NAGLU: variants seen among roughly 807,000 people sequenced by gnomAD.
The protein encoded by NAGLU is N-acetyl-alpha-glucosaminidase, also known as alpha-N-acetylglucosaminidase.
In NAGLU, 34 loss-of-function variants were observed where a neutral mutation model predicts 43.4. The observed-to-expected ratio is 0.78, with a 90% CI of 0.60 to 1.04. The LOEUF (loss-of-function observed/expected upper bound fraction) is 1.04, where lower values mean the gene tolerates loss of function less well. Ranked by LOEUF, NAGLU falls within the 50% of genes least tolerant of loss-of-function variation. NAGLU has a pLI of 0.00. For missense variants in NAGLU, 910 were observed against 993.7 expected (o/e 0.92, Z 1.13); for synonymous variants, 425 against 437.6 (o/e 0.97, Z 0.36).
intron 4 of NAGLU, among the ~76,000 whole-genome samples, chr17:42,539,465 G>T (rs1306059469): frequency 6.6e-6 from 1 of 152,240 alleles, no homozygotes; most frequent in Non-Finnish European, 1.5e-5. Context: ...AGGAAGCCTT[G>T]CTAGTGCCCC....
At position 42,536,484 on chromosome 17, in the gene NAGLU, G is replaced by C. The variant is rs1329966515; in HGVS notation, c.212G>C (p.Gly71Ala). Residue 71 changes from glycine to alanine, a missense_variant, in exon 1 of 6, where the codon GGC becomes GCC. Gly to Ala is a moderately conservative substitution (Grantham distance 60, BLOSUM62 0). Coordinates refer to ENST00000225927, the MANE Select transcript of NAGLU (RefSeq NM_000263.4). ...GACACCTACAGCCTGGGCGGCGGCG[G>C]CGCGGCGCGCGTGCGGGTGCGCGGC... is the stretch of plus-strand genomic sequence containing the variant. ...GLDTYSLGGG[G>A]AARVRVRGST... 2 of 1,216,380 alleles carry C rather than the reference G, an allele frequency of 1.6e-6. No individual in the cohort carries two copies. The highest frequency in any genetic ancestry group is 3.2e-5 in the African/African-American group (2 of 62,616). The allele number at this position is 1,216,380 out of a possible 1,614,324, so 75.3% of individuals were successfully genotyped here. A position where few individuals can be genotyped will look rare whatever the true frequency, so the allele number is the denominator to read the frequency against.
Position 42,537,506 on chromosome 17 carries a change from G to A in NAGLU, c.492G>A (p.Leu164=). The A allele has an allele frequency of 6.2e-7, 1 of 1,614,198 alleles. No individual in the cohort carries two copies. Among genetic ancestry groups the A allele is most frequent in the East Asian group, 2.2e-5 (1 of 44,888 alleles). The stretch of plus-strand genomic sequence containing the variant: ...GGATGGCGCTGAATGGCATCAACCT[G>A]GCACTGGCCTGGAGCGGCCAGGAGG... The part of the protein sequence containing the change: ...IDWMALNGIN[L]ALAWSGQEAI... The change falls in exon 2 of 6, where the codon CTG becomes CTA. Residue 164 remains leucine, a synonymous_variant. Coordinates refer to ENST00000225927, the MANE Select transcript of NAGLU (RefSeq NM_000263.4).
Position 42,536,494 on chromosome 17 carries a change from C to T in NAGLU, c.222C>T (p.Arg74=). 1 of 1,227,504 alleles carries T rather than the reference C, an allele frequency of 8.1e-7. No homozygotes were observed. The highest frequency in any genetic ancestry group is 1.0e-6 in the Non-Finnish European group (1 of 988,042). 76.0% of individuals were successfully genotyped at this position (1,227,504 alleles called of 1,614,324 possible). Reference sequence around the variant, plus strand: ...GCCTGGGCGGCGGCGGCGCGGCGCGCGTGCGGGTGCGCGGCTCCACGGGCG... The same window carrying T: ...GCCTGGGCGGCGGCGGCGCGGCGCGTGTGCGGGTGCGCGGCTCCACGGGCG... The part of the protein sequence containing the change: ...TYSLGGGGAA[R]VRVRGSTGVA... Residue 74 remains arginine (R), a synonymous_variant, in exon 1 of 6, where the codon CGC becomes CGT. Transcript: ENST00000225927.
At chr17:42,541,271 CAGT>C (rs1190246605) in intron 5 of NAGLU, 65 bp downstream of exon 5, 12 of 1,597,360 alleles carry the variant, frequency 7.5e-6, no homozygotes, top group African/African-American at 1.3e-5. Context: ...TAGCAGATGT[CAGT>C]AGGGGTAGGC....
rs570464874 is a variant in NAGLU at position 42,544,269 on chromosome 17, G to A, written c.*31G>A. Reference sequence around the variant, plus strand: ...TCGCCACCACTGGGCCTTGTTTTCCGCTAATTCCAGGGCAGATTCCAGGGC... The same window carrying A: ...TCGCCACCACTGGGCCTTGTTTTCCACTAATTCCAGGGCAGATTCCAGGGC... On this transcript the variant is annotated 3_prime_UTR_variant, in exon 6 of 6. Transcript: ENST00000225927. 1.0e-5 allele frequency: 16 copies of A among 1,603,076 alleles called. No individual in the cohort carries two copies. The highest frequency in any genetic ancestry group is 2.2e-5 in the East Asian group (1 of 44,886).
At position 42,536,623 on chromosome 17, in the gene NAGLU, G is replaced by T. The variant is rs1436378685; in HGVS notation, c.351G>T (p.Val117=). Residue 117 remains valine (V), a synonymous_variant, in exon 1 of 6, where the codon GTG becomes GTT. Transcript: ENST00000225927. ...QLRLPRPLPA[V]PGELTEATPN... ...GCCTGCCGCGGCCACTGCCAGCCGT[G>T]CCGGGGGAGCTGACCGAGGCCACGC... 15 of 1,498,220 alleles carry T rather than the reference G, an allele frequency of 1.0e-5. No individual in the cohort carries two copies. The highest frequency in any genetic ancestry group is 1.3e-5 in the Non-Finnish European group (15 of 1,131,872). The allele number at this position is 1,498,220 out of a possible 1,614,324, so 92.8% of individuals were successfully genotyped here. A position where few individuals can be genotyped will look rare whatever the true frequency, so the allele number is the denominator to read the frequency against.
Position 42,544,015 on chromosome 17 carries a change from A to G in NAGLU, c.2009A>G (p.Tyr670Cys). The change falls in exon 6 of 6, where the codon TAC (tyrosine) becomes TGC (cysteine). Residue 670 changes from tyrosine to cysteine, a missense_variant. By Grantham distance (194) the Tyr-to-Cys change is radical. Coordinates refer to ENST00000225927, the MANE Select transcript of NAGLU (RefSeq NM_000263.4). ...NKQLAGLVANYYTPRWRLFLE... is the reference protein window; with the variant it reads ...NKQLAGLVANCYTPRWRLFLE... Reference sequence around the variant, plus strand: ...CAGCTGGCGGGGTTGGTGGCCAACTACTACACCCCTCGCTGGCGGCTTTTC... The same window carrying G: ...CAGCTGGCGGGGTTGGTGGCCAACTGCTACACCCCTCGCTGGCGGCTTTTC... 1 of 1,611,046 alleles carries G rather than the reference A, an allele frequency of 6.2e-7. No homozygotes were observed. Among genetic ancestry groups the G allele is most frequent in the Non-Finnish European group, 8.5e-7 (1 of 1,178,710 alleles).
chr17:42,539,663 C>T (rs915751532), intron 4 of NAGLU, among the ~76,000 whole-genome samples: 4 of 152,168 alleles, frequency 2.6e-5, no homozygotes, highest in African/African-American at 7.2e-5. Flanking sequence ...TCCTGGGAGG[C>T]GGCAAGAAAG....
chr17:42,536,842 C>T, intron 1 of NAGLU, 187 bp downstream of exon 1: 2 of 1,183,216 alleles, frequency 1.7e-6, no homozygotes, highest in Non-Finnish European at 2.2e-6. Flanking sequence ...ACCTGAAAAA[C>T]GGAAAGAAGA....
Position 42,543,720 on chromosome 17 carries a change from G to T in NAGLU, c.1714G>T (p.Val572Phe). ...CACTCGGCAGGCAGTGCAGGAGCTG[G>T]TCAGCTTGTACTATGAGGAGGCAAG... ...DLTRQAVQEL[V>F]SLYYEEARSA... Residue 572 changes from valine (V) to phenylalanine (F), a missense_variant, in exon 6 of 6, where the codon GTC (valine) becomes TTC (phenylalanine). By Grantham distance (50) the Val-to-Phe change is conservative. Transcript: ENST00000225927. The T allele has an allele frequency of 1.2e-6, 2 of 1,612,050 alleles. No homozygotes were observed. The highest frequency in any genetic ancestry group is 1.7e-6 in the Non-Finnish European group (2 of 1,179,970).
intron 3 of NAGLU, 67 bp from the exon 4 acceptor site, chr17:42,538,603 G>A: frequency 3.1e-6 from 5 of 1,612,166 alleles, no homozygotes; most frequent in Non-Finnish European, 4.2e-6. Flanking sequence ...CGTGTATCCT[G>A]GGAGATGAGG....
rs764815033 is a variant in NAGLU, at chr17:42,543,310, A to G, written c.1304A>G (p.Asn435Ser). 13 of 1,613,430 alleles carry G rather than the reference A, an allele frequency of 8.1e-6. No individual in the cohort carries two copies. Among genetic ancestry groups the G allele is most frequent in the African/African-American group, 8.0e-5 (6 of 74,914 alleles). Residue 435 changes from asparagine (N) to serine (S), a missense_variant, in exon 6 of 6, where the codon AAC becomes AGC. Coordinates refer to ENST00000225927, the MANE Select transcript of NAGLU (RefSeq NM_000263.4). ...CCAGAAGCTGCCCGCCTCTTCCCCA[A>G]CTCCACCATGGTAGGCACGGGCATG... ...GGPEAARLFPNSTMVGTGMAP... is the reference protein window; with the variant it reads ...GGPEAARLFPSSTMVGTGMAP...
chr17:42,536,679 G>GTCCGCCCGAGGCGCTTACCCCC (rs1289870468), intron 1 of NAGLU, 24 bp downstream of exon 1: 1 of 1,455,440 alleles, frequency 6.9e-7, no homozygotes, highest in African/African-American at 1.5e-5. Context: ...GCTTCCCCGC[G>GTCCGCCCGAGGCGCTTACCCCC]TCCGCCCGAG....
At position 42,538,300 on chromosome 17, in the gene NAGLU, A is replaced by C. The variant is rs183814832; in HGVS notation, c.532-39A>C. The C allele has an allele frequency of 6.3e-4, 1,012 of 1,613,488 alleles. 16 individuals carry two copies. In the South Asian group the frequency reaches 7.2e-3, roughly 11 times the overall value. The stretch of plus-strand genomic sequence containing the variant: ...GTTGAATGAATGAATGAATGAATGA[A>C]GATGAATATATTTCTATGTGTGGGC... On this transcript the variant is annotated intron_variant, in intron 2 of 5. Coordinates refer to ENST00000225927, the MANE Select transcript of NAGLU (RefSeq NM_000263.4).
chr17:42,537,360 A>T, intron 1 of NAGLU, 38 bp from the exon 2 acceptor site: 1 of 1,613,372 alleles, frequency 6.2e-7, no homozygotes, highest in Non-Finnish European at 8.5e-7. Context: ...TGGACCCTCC[A>T]GGGTGGGATG....
chr17:42,536,467 C>G lies in NAGLU; in HGVS notation c.195C>G (p.Tyr65Ter). 1 of 1,227,614 alleles carries G rather than the reference C, an allele frequency of 8.1e-7. No homozygotes were observed. The highest frequency in any genetic ancestry group is 1.0e-6 in the Non-Finnish European group (1 of 983,264). 76.0% of individuals were successfully genotyped at this position (1,227,614 alleles called of 1,614,324 possible). Reference sequence around the variant, plus strand: ...CTGCCAAGCCGGGCTTGGACACCTACAGCCTGGGCGGCGGCGGCGCGGCGC... The same window carrying G: ...CTGCCAAGCCGGGCTTGGACACCTAGAGCCTGGGCGGCGGCGGCGCGGCGC... ...ALAAKPGLDT[Y>*]SLGGGGAARV... The change falls in exon 1 of 6, where the codon TAC (tyrosine) becomes TAG (stop). Residue 65 changes from tyrosine (Y) to a stop codon, truncating the protein, a stop_gained. Transcript: ENST00000225927. LOFTEE classifies it high-confidence loss of function.
At chr17:42,537,728 A>G (rs1325146479) in intron 2 of NAGLU, among the ~76,000 whole-genome samples, 183 bp downstream of exon 2, 1 of 152,134 alleles carries the variant, frequency 6.6e-6, no homozygotes, top group Non-Finnish European at 1.5e-5. Context: ...CTGTCATCCC[A>G]GCACTTCGGG....
chr17:42,544,033 G>C lies in NAGLU; in HGVS notation c.2027G>C (p.Arg676Pro). ...GCCAACTACTACACCCCTCGCTGGC[G>C]GCTTTTCCTGGAGGCGCTGGTTGAC... is the stretch of plus-strand genomic sequence containing the variant. ...LVANYYTPRW[R>P]LFLEALVDSV... Residue 676 changes from arginine to proline, a missense_variant, in exon 6 of 6, where the codon CGG becomes CCG. By Grantham distance (103) the Arg-to-Pro change is moderately radical (BLOSUM62 -2). Transcript: ENST00000225927. 1 of 1,612,238 alleles carries C rather than the reference G, an allele frequency of 6.2e-7. No individual in the cohort carries two copies. The highest frequency in any genetic ancestry group is 8.5e-7 in the Non-Finnish European group (1 of 1,179,264).
rs965687919 is a variant in NAGLU at position 42,543,657 on chromosome 17, G to C, written c.1651G>C (p.Ala551Pro). The change falls in exon 6 of 6, where the codon GCC (alanine) becomes CCC (proline). Residue 551 changes from alanine to proline, a missense_variant. By Grantham distance (27) the Ala-to-Pro change is conservative. Transcript: ENST00000225927. ...RLLLTSAPSLATSPAFRYDLL... is the reference protein window; with the variant it reads ...RLLLTSAPSLPTSPAFRYDLL... Reference sequence around the variant, plus strand: ...GCTGCTCACATCTGCTCCCTCCCTGGCCACCAGCCCCGCCTTCCGCTACGA... The same window carrying C: ...GCTGCTCACATCTGCTCCCTCCCTGCCCACCAGCCCCGCCTTCCGCTACGA... 6.2e-7 allele frequency: 1 copy of C among 1,612,958 alleles called. No individual in the cohort carries two copies.
Sources: allele counts gnomAD v4.1 joint callset (sites outside exome capture counted in the v4.1 genomes callset), GRCh38; gene constraint gnomAD v4.1.1; transcripts MANE v1.5; gene names NCBI Gene and HGNC (gene_info 2026-07-23, HGNC 2026-07-21).